UNC5CL: variants seen among roughly 807,000 people sequenced by gnomAD.
The protein encoded by UNC5CL is unc-5 family C-terminal like.
Under a neutral mutation model 54.1 loss-of-function variants are expected in UNC5CL, and 42 were observed. That is an observed-to-expected ratio of 0.78 (90% CI 0.61 to 1.00). The LOEUF (loss-of-function observed/expected upper bound fraction) is 1.00. Among genes scored for constraint, UNC5CL ranks in the 50% least tolerant of loss-of-function variants. The pLI, the probability that UNC5CL is intolerant of heterozygous loss-of-function variation, is 0.00. For synonymous variants in UNC5CL, 285 were observed against 285.1 expected, an observed-to-expected ratio of 1.00 and a Z score of 0.00; for missense variants, 619 against 675.6, an observed-to-expected ratio of 0.92 and a Z score of 0.93.
rs1307187495 is a variant in UNC5CL at position 41,028,753 on chromosome 6, G to A, written c.1335-158C>T. ...CTTGCCTGCCTTCCAGGGCACAGGA[G>A]GTGGGAAGCCCCAGGGCTTTGAAAC... On this transcript the variant is annotated intron_variant, in intron 8 of 8. Coordinates refer to ENST00000244565, the MANE Select transcript of UNC5CL (RefSeq NM_173561.3). This position sits in a 1 kb window ranked among gnomAD's most constrained non-coding sequence, Gnocchi z 4.3. Among the ~76,000 whole-genome samples the A allele has an allele frequency of 6.6e-6, 1 of 152,124 alleles. No individual in the cohort carries two copies. The highest frequency in any genetic ancestry group is 2.4e-5 in the African/African-American group (1 of 41,434).
At position 41,028,084 on chromosome 6, in the gene UNC5CL, G is replaced by A. The variant is rs1175093233; in HGVS notation, c.*289C>T. 6.4e-6 allele frequency: 3 copies of A among 467,528 alleles called. No homozygotes were observed. Among genetic ancestry groups the A allele is most frequent in the African/African-American group, 6.2e-5 (3 of 48,274 alleles). The allele number at this position is 467,528 out of a possible 1,614,324, so 29.0% of individuals were successfully genotyped here. A position where few individuals can be genotyped will look rare whatever the true frequency, so the allele number is the denominator to read the frequency against. ...CTGACCGGCCCTAAAGTGCACGCGG[G>A]GACCGTGGCCGTCCCCTGGTCAGTT... is the stretch of plus-strand genomic sequence containing the variant. On this transcript the variant is annotated 3_prime_UTR_variant, in exon 9 of 9. Transcript: ENST00000244565. The surrounding 1 kb of genome is among the most constrained non-coding windows in gnomAD (Gnocchi z 4.3).
Position 41,028,751 on chromosome 6 carries a change from G to A in UNC5CL, c.1335-156C>T, listed in dbSNP as rs563902166. Among the ~76,000 whole-genome samples the A allele has an allele frequency of 1.3e-5, 2 of 152,246 alleles. No individual in the cohort carries two copies. The highest frequency in any genetic ancestry group is 3.9e-4 in the East Asian group (2 of 5,156). The stretch of plus-strand genomic sequence containing the variant: ...CTCTTGCCTGCCTTCCAGGGCACAG[G>A]AGGTGGGAAGCCCCAGGGCTTTGAA... On this transcript the variant is annotated intron_variant, in intron 8 of 8. Coordinates refer to ENST00000244565, the MANE Select transcript of UNC5CL (RefSeq NM_173561.3). The surrounding 1 kb of genome is among the most constrained non-coding windows in gnomAD (Gnocchi z 4.3).
Position 41,028,467 on chromosome 6 carries a change from T to A in UNC5CL, c.1463A>T (p.Gln488Leu), listed in dbSNP as rs1258242830. ...GCCGTGTGTCCCACTCAGGTAGTTC[T>A]GGATGGCGGAGGCGCAGTCTAGCCG... ...MERLDCASAI[Q>L]NYLSGTHGGS... The change falls in exon 9 of 9, where the codon CAG (glutamine) becomes CTG (leucine). Residue 488 changes from glutamine (Q) to leucine (L), a missense_variant. Gln to Leu is a moderately radical substitution (Grantham distance 113). Transcript: ENST00000244565. This position sits in a 1 kb window ranked among gnomAD's most constrained non-coding sequence, Gnocchi z 4.3. 6.2e-7 allele frequency: 1 copy of A among 1,613,806 alleles called. No individual in the cohort carries two copies. The highest frequency in any genetic ancestry group is 2.2e-5 in the East Asian group (1 of 44,860).
chr6:41,038,335 G>A (rs1762545871), intron 1 of UNC5CL, among the ~76,000 whole-genome samples: 2 of 152,048 alleles, frequency 1.3e-5, no homozygotes, highest in South Asian at 2.1e-4. Flanking sequence ...GCCCCAGCTC[G>A]CTTACACAGC....
Position 41,030,660 on chromosome 6 carries a change from G to A in UNC5CL, c.1215C>T (p.Cys405=). 2 of 1,614,056 alleles carry A rather than the reference G, an allele frequency of 1.2e-6. No individual in the cohort carries two copies. Among genetic ancestry groups the A allele is most frequent in the South Asian group, 2.2e-5 (2 of 91,070 alleles). The change falls in exon 7 of 9, where the codon TGC becomes TGT. Residue 405 remains cysteine (C), a synonymous_variant. Coordinates refer to ENST00000244565, the MANE Select transcript of UNC5CL (RefSeq NM_173561.3). ...APPPVSQPPP[C]NRLPPELFEQ... The stretch of plus-strand genomic sequence containing the variant: ...CCAAGCAACCCCCGTCTCACCTATT[G>A]CATGGGGGCGGCTGGGAAACAGGTG...
At chr6:41,030,306 G>C (rs970119905) in intron 8 of UNC5CL, 82 bp downstream of exon 8, 1 of 1,336,340 alleles carries the variant, frequency 7.5e-7, no homozygotes, top group Non-Finnish European at 1.1e-6. Context: ...CCTTGCCTGT[G>C]ATCCAGTCTC....
chr6:41,031,512 A>G (rs997742123), intron 6 of UNC5CL, among the ~76,000 whole-genome samples, 169 bp downstream of exon 6: 3 of 152,146 alleles, frequency 2.0e-5, no homozygotes, highest in African/African-American at 7.2e-5. Context: ...GGTAACTTGG[A>G]GCCCAGATGA....
chr6:41,028,474 C>T lies in UNC5CL; in HGVS notation c.1456G>A (p.Ala486Thr). The change falls in exon 9 of 9, where the codon GCC becomes ACC. Residue 486 changes from alanine (A) to threonine (T), a missense_variant. Coordinates refer to ENST00000244565, the MANE Select transcript of UNC5CL (RefSeq NM_173561.3). This position sits in a 1 kb window ranked among gnomAD's most constrained non-coding sequence, Gnocchi z 4.3. ...GTCCCACTCAGGTAGTTCTGGATGG[C>T]GGAGGCGCAGTCTAGCCGCTCCATG... ...TVMERLDCAS[A>T]IQNYLSGTHG... 6.2e-7 allele frequency: 1 copy of T among 1,613,712 alleles called. No individual in the cohort carries two copies. The highest frequency in any genetic ancestry group is 8.5e-7 in the Non-Finnish European group (1 of 1,179,992).
At chr6:41,030,165 G>A (rs1243111089) in intron 8 of UNC5CL, among the ~76,000 whole-genome samples, 1 of 152,204 alleles carries the variant, frequency 6.6e-6, no homozygotes, top group African/African-American at 2.4e-5. Context: ...TGGATTCACT[G>A]TTAAATGTTA....
intron 8 of UNC5CL, among the ~76,000 whole-genome samples, 172 bp downstream of exon 8, chr6:41,030,216 G>A (rs746563943): frequency 6.6e-6 from 1 of 152,232 alleles, no homozygotes; most frequent in Non-Finnish European, 1.5e-5. Context: ...TCTAGGTACT[G>A]ATGATACAGT....
chr6:41,027,695 C>G lies in UNC5CL; in HGVS notation c.*678G>C, dbSNP rs1350199196. On this transcript the variant is annotated 3_prime_UTR_variant, in exon 9 of 9. Transcript: ENST00000244565. The stretch of plus-strand genomic sequence containing the variant: ...GGCCTCACACCCACGGGGATGGGCT[C>G]CCATGCCCACTTTCGGCTCCTACCT... 1.3e-5 allele frequency: 2 copies of G among 152,166 alleles called. No individual in the cohort carries two copies. The highest frequency in any genetic ancestry group is 2.9e-5 in the Non-Finnish European group (2 of 68,064). 9.4% of individuals were successfully genotyped at this position (152,166 alleles called of 1,614,324 possible). A position where few individuals can be genotyped will look rare whatever the true frequency, so the allele number is the denominator to read the frequency against.
At position 41,031,763 on chromosome 6, in the gene UNC5CL, T is replaced by C. The variant is rs1038808829; in HGVS notation, c.1052-15A>G. The stretch of plus-strand genomic sequence containing the variant: ...ATTCTCATCGGCTATAAAGAGAAGG[T>C]GACAGCGTGGCCAGTGAGTGAGGAA... On this transcript the variant is annotated splice_polypyrimidine_tract_variant and intron_variant, in intron 5 of 8. Transcript: ENST00000244565. 17 of 1,613,800 alleles carry C rather than the reference T, an allele frequency of 1.1e-5. No homozygotes were observed. The highest frequency in any genetic ancestry group is 1.4e-5 in the Non-Finnish European group (16 of 1,179,918).
intron 4 of UNC5CL, among the ~76,000 whole-genome samples, chr6:41,032,575 A>G (rs1027000947): frequency 1.3e-5 from 2 of 152,200 alleles, no homozygotes; most frequent in African/African-American, 4.8e-5. Flanking sequence ...CCTGGACAAC[A>G]TGATGAAACC....
In UNC5CL at chr6:41,031,590, A is replaced by G; in HGVS notation, c.1119+91T>C. ...TGCCATCTTTACCTATGTGATTAAG[A>G]CCATAGTTACTGGGCACCAGACCCT... is the stretch of plus-strand genomic sequence containing the variant. On this transcript the variant is annotated intron_variant, in intron 6 of 8. Coordinates refer to ENST00000244565, the MANE Select transcript of UNC5CL (RefSeq NM_173561.3). The G allele has an allele frequency of 6.3e-6, 8 of 1,275,818 alleles. No homozygotes were observed. In the South Asian group the frequency reaches 9.5e-5, roughly 15 times the overall value. The allele number at this position is 1,275,818 out of a possible 1,614,324, so 79.0% of individuals were successfully genotyped here. A position where few individuals can be genotyped will look rare whatever the true frequency, so the allele number is the denominator to read the frequency against.
chr6:41,028,937 A>ACCCCTCGCCTC lies in UNC5CL; in HGVS notation c.1335-343_1335-342insGAGGCGAGGGG, dbSNP rs1762422494. ...TCTCTACCTCCCCCACTCCAAATAC[A>ACCCCTCGCCTC]CCCCTAGCCTCCCCCTAGCCTCCTA... On this transcript the variant is annotated intron_variant, in intron 8 of 8. Transcript: ENST00000244565. This position sits in a 1 kb window ranked among gnomAD's most constrained non-coding sequence, Gnocchi z 4.3. Among the ~76,000 whole-genome samples the ACCCCTCGCCTC allele has an allele frequency of 1.8e-5, 2 of 109,240 alleles. No individual in the cohort carries two copies. The highest frequency in any genetic ancestry group is 3.3e-4 in the South Asian group (1 of 3,004). 71.7% of individuals were successfully genotyped at this position (109,240 alleles called of 152,430 possible).
Position 41,030,469 on chromosome 6 carries a change from A to G in UNC5CL, c.1253T>C (p.Met418Thr). The G allele has an allele frequency of 1.2e-6, 2 of 1,614,178 alleles. No homozygotes were observed. The highest frequency in any genetic ancestry group is 1.7e-6 in the Non-Finnish European group (2 of 1,180,030). The change falls in exon 8 of 9, where the codon ATG (methionine) becomes ACG (threonine). Residue 418 changes from methionine to threonine, a missense_variant. Coordinates refer to ENST00000244565, the MANE Select transcript of UNC5CL (RefSeq NM_173561.3). ...LPPELFEQLR[M>T]LLEPNSITGN... ...GGTGATGCTGTTTGGCTCCAATAAC[A>G]TCCGCAGCTGCTCAAAGAGCTCTGG...
Position 41,027,044 on chromosome 6 carries a change from C to G in UNC5CL, c.*1329G>C, listed in dbSNP as rs1762396005. 3 of 152,180 alleles carry G rather than the reference C, an allele frequency of 2.0e-5. No homozygotes were observed. The highest frequency in any genetic ancestry group is 2.0e-4 in the Admixed American group (3 of 15,288). The allele number at this position is 152,180 out of a possible 1,614,324, so 9.4% of individuals were successfully genotyped here. A position where few individuals can be genotyped will look rare whatever the true frequency, so the allele number is the denominator to read the frequency against. On this transcript the variant is annotated 3_prime_UTR_variant, in exon 9 of 9. Transcript: ENST00000244565. Reference sequence around the variant, plus strand: ...AGAATTTCCAGAATGGAGTCAAACCCTTTATTCTCTGTTCAGGACCCAGCC... The same window carrying G: ...AGAATTTCCAGAATGGAGTCAAACCGTTTATTCTCTGTTCAGGACCCAGCC...
At chr6:41,030,831 T>C in intron 6 of UNC5CL, 76 bp from the exon 7 acceptor site, 1 of 1,322,526 alleles carries the variant, frequency 7.6e-7, no homozygotes, top group Non-Finnish European at 1.1e-6. Flanking sequence ...GAGTCCTACC[T>C]CCATTCCTCA....
At chr6:41,032,417 G>A (rs1479405326) in intron 4 of UNC5CL, among the ~76,000 whole-genome samples, 1 of 152,220 alleles carries the variant, frequency 6.6e-6, no homozygotes, top group Non-Finnish European at 1.5e-5. Context: ...CAGCAGAGTG[G>A]TCAAAGCCCT....
Sources: gnomAD v4.1 joint callset for allele counts (sites outside exome capture counted in the v4.1 genomes callset) on GRCh38, gnomAD v4.1.1 for gene constraint, Gnocchi (gnomAD v3.1) non-coding constraint, MANE v1.5 for transcripts, NCBI Gene and HGNC (gene_info 2026-07-23, HGNC 2026-07-21) for gene names.